Variants in MYO5B observed in about 807,000 individuals in gnomAD.
MYO5B encodes the protein myosin VB, also known as unconventional myosin-Vb.
In MYO5B, 143 loss-of-function variants were observed where a neutral mutation model predicts 229.3. That is an observed-to-expected ratio of 0.62 (90% confidence interval 0.54 to 0.72). MYO5B has a LOEUF of 0.72. Ranked by LOEUF, MYO5B falls within the 30% of genes least tolerant of loss-of-function variation. MYO5B has a pLI of 0.00. For synonymous variants in MYO5B, 918 were observed against 885.2 expected (o/e 1.04, Z -0.66); for missense variants, 2,321 against 2,331.0 (o/e 1.00, Z 0.09).
chr18:50,030,961 A>G (rs924217303), intron 4 of MYO5B, among the ~76,000 whole-genome samples: 5 of 147,220 alleles, frequency 3.4e-5, no homozygotes, highest in Admixed American at 6.9e-5. Context: ...AGACACCGCC[A>G]GCCAAATAAG....
intron 18 of MYO5B, among the ~76,000 whole-genome samples, chr18:49,909,663 C>A (rs2144156631): frequency 6.6e-6 from 1 of 152,254 alleles, no homozygotes; most frequent in African/African-American, 2.4e-5. Flanking sequence ...CCCTCAATTA[C>A]AACATAAGGG....
At chr18:49,963,660 T>G (rs888139875) in intron 10 of MYO5B, among the ~76,000 whole-genome samples, 31 of 152,084 alleles carry the variant, frequency 2.0e-4, no homozygotes, top group African/African-American at 7.0e-4. Flanking sequence ...ACTCCTGGGC[T>G]CAAGTGATCC....
At chr18:49,893,839 GTGAAGGC>G (rs2024745889) in intron 22 of MYO5B, among the ~76,000 whole-genome samples, 1 of 152,206 alleles carries the variant, frequency 6.6e-6, no homozygotes, top group African/African-American at 2.4e-5. Context: ...TCAGCTGCAT[GTGAAGGC>G]TCAGGCCAGG....
intron 1 of MYO5B, among the ~76,000 whole-genome samples, chr18:50,166,259 G>A (rs2032850193): frequency 1.3e-5 from 2 of 152,118 alleles, no homozygotes; most frequent in Non-Finnish European, 2.9e-5. Context: ...CAAGCACTAA[G>A]GTAAACTCAT....
Position 49,962,993 on chromosome 18 carries a change from A to C in MYO5B, c.1360T>G (p.Cys454Gly). The change falls in exon 11 of 40, where the codon TGT (cysteine) becomes GGT (glycine). Residue 454 changes from cysteine to glycine, a missense_variant. Transcript: ENST00000285039. ...AGCTTTTCATTTGCATAGTTGATAC[A>C]GAACTGCTCAAAGCTGTTTACCTCA... ...TFEVNSFEQF[C>G]INYANEKLQQ... The C allele has an allele frequency of 6.2e-7, 1 of 1,614,132 alleles. No homozygotes were observed. The highest frequency in any genetic ancestry group is 1.1e-5 in the South Asian group (1 of 91,080).
intron 1 of MYO5B, among the ~76,000 whole-genome samples, chr18:50,149,219 T>G (rs2032554324): frequency 6.6e-6 from 1 of 152,152 alleles, no homozygotes. Context: ...TCCATGCTCA[T>G]GGATAGGAAG....
intron 1 of MYO5B, among the ~76,000 whole-genome samples, chr18:50,156,675 C>T (rs1705513): frequency 0.91 from 138,234 of 152,284 alleles, 63,140 homozygotes; most frequent in East Asian, 1. Context: ...CCAAAGGAAG[C>T]TATTTTCTTT....
chr18:49,877,471 C>G (rs1047662396), intron 25 of MYO5B, among the ~76,000 whole-genome samples: 1 of 151,680 alleles, frequency 6.6e-6, no homozygotes, highest in African/African-American at 2.4e-5. Context: ...TATTTCACCT[C>G]TCTGCATCAG....
chr18:49,955,876 G>C (rs1341768912), intron 12 of MYO5B, among the ~76,000 whole-genome samples: 2 of 152,238 alleles, frequency 1.3e-5, no homozygotes, highest in African/African-American at 2.4e-5. Flanking sequence ...GGGTGGGACA[G>C]AGGACGAACA....
intron 4 of MYO5B, among the ~76,000 whole-genome samples, chr18:50,024,468 G>A (rs1175804294): frequency 2.0e-5 from 3 of 152,188 alleles, no homozygotes; most frequent in Non-Finnish European, 4.4e-5. Context: ...TGCTCTTGTA[G>A]AGAAGGTTTA....
At chr18:50,059,296 T>C (rs531417032) in intron 1 of MYO5B, among the ~76,000 whole-genome samples, 2 of 152,314 alleles carry the variant, frequency 1.3e-5, no homozygotes, top group Admixed American at 6.5e-5. Context: ...AACATGGAGA[T>C]GTAGCTCCTG....
At chr18:50,151,858 C>A (rs2032604024) in intron 1 of MYO5B, among the ~76,000 whole-genome samples, 2 of 152,096 alleles carry the variant, frequency 1.3e-5, no homozygotes, top group African/African-American at 4.8e-5. Flanking sequence ...TCTTTGGGGG[C>A]AGGGTCCACC....
chr18:49,838,536 A>G (rs549654925), intron 36 of MYO5B, among the ~76,000 whole-genome samples: 2 of 152,296 alleles, frequency 1.3e-5, no homozygotes, highest in African/African-American at 4.8e-5. Context: ...CTCATAACCT[A>G]CTTGTGTTGT....
chr18:49,848,171 C>A (rs1039932764), intron 32 of MYO5B, among the ~76,000 whole-genome samples: 1 of 152,228 alleles, frequency 6.6e-6, no homozygotes, highest in Non-Finnish European at 1.5e-5. Context: ...TAAGGAGACA[C>A]ATCTGTACAT....
At chr18:50,115,320 G>A (rs1419496182) in intron 1 of MYO5B, among the ~76,000 whole-genome samples, 1 of 152,148 alleles carries the variant, frequency 6.6e-6, no homozygotes, top group Admixed American at 6.5e-5. Context: ...TGAGCCCTTG[G>A]CTAATCTTCA....
At chr18:50,193,598 G>A (rs2033257656) in intron 1 of MYO5B, among the ~76,000 whole-genome samples, 1 of 152,194 alleles carries the variant, frequency 6.6e-6, no homozygotes, top group Non-Finnish European at 1.5e-5. Flanking sequence ...GTTGGCCCGG[G>A]CGGGTGTCCC....
At chr18:50,191,234 A>G in intron 1 of MYO5B, among the ~76,000 whole-genome samples, 1 of 152,198 alleles carries the variant, frequency 6.6e-6, no homozygotes, top group East Asian at 1.9e-4. Flanking sequence ...ATAAATCTAG[A>G]AGATACTGTC....
At chr18:49,904,952 G>A in intron 19 of MYO5B, 124 bp from the exon 20 acceptor site, 3 of 1,140,114 alleles carry the variant, frequency 2.6e-6, no homozygotes, top group South Asian at 2.6e-5. Flanking sequence ...CACACCCAGG[G>A]GAAACCAACT....
intron 2 of MYO5B, among the ~76,000 whole-genome samples, chr18:50,042,494 A>T (rs968603119): frequency 5.9e-5 from 9 of 152,090 alleles, no homozygotes; most frequent in Non-Finnish European, 1.3e-4. Flanking sequence ...TTTTTTATTT[A>T]TATTAAACTT....
Sources: allele counts gnomAD v4.1 joint callset (sites outside exome capture counted in the v4.1 genomes callset), GRCh38; gene constraint gnomAD v4.1.1; transcripts MANE v1.5; gene names NCBI Gene and HGNC (gene_info 2026-07-23, HGNC 2026-07-21).